LOC400499: variants seen among roughly 807,000 people sequenced by gnomAD.
the LOC400499 span, among the ~76,000 whole-genome samples, chr16:11,478,837 G>A: frequency 6.6e-6 from 1 of 152,160 alleles, no homozygotes; most frequent in Non-Finnish European, 1.5e-5. Context: ...TGAATCATGG[G>A]GGCGGGTCCT....
At chr16:11,435,038 T>C in the LOC400499 span, among the ~76,000 whole-genome samples, 1 of 152,232 alleles carries the variant, frequency 6.6e-6, no homozygotes, top group Non-Finnish European at 1.5e-5. Context: ...GCTGCAATGC[T>C]GCAATCTTAC....
the LOC400499 span, among the ~76,000 whole-genome samples, chr16:11,384,510 G>A: frequency 8.5e-5 from 13 of 152,196 alleles, no homozygotes; most frequent in Non-Finnish European, 7.3e-5. Context: ...CATCAGAGGA[G>A]GAAGAGAAAG....
the LOC400499 span, among the ~76,000 whole-genome samples, chr16:11,375,208 C>T: frequency 1.2e-4 from 17 of 143,444 alleles, no homozygotes; most frequent in African/African-American, 4.4e-4. Context: ...TTTTATACTC[C>T]CCGTAAGAAT....
At chr16:11,505,704 C>A in the LOC400499 span, among the ~76,000 whole-genome samples, 1 of 151,878 alleles carries the variant, frequency 6.6e-6, no homozygotes, top group African/African-American at 2.4e-5. Flanking sequence ...CCACCTCAGC[C>A]TCCCAAAGTG....
the LOC400499 span, among the ~76,000 whole-genome samples, chr16:11,515,468 T>G: frequency 6.9e-6 from 1 of 144,914 alleles, no homozygotes; most frequent in Admixed American, 6.7e-5. Context: ...AGGAAATACA[T>G]ACATACGTAC....
At chr16:11,427,086 A>C in the LOC400499 span, among the ~76,000 whole-genome samples, 1 of 151,650 alleles carries the variant, frequency 6.6e-6, no homozygotes, top group African/African-American at 2.4e-5. Flanking sequence ...GGCCAGGCGC[A>C]GTGGCTCACA....
chr16:11,463,908 T>A, the LOC400499 span, among the ~76,000 whole-genome samples: 4 of 152,118 alleles, frequency 2.6e-5, no homozygotes, highest in African/African-American at 7.2e-5. Context: ...TATGTCCACA[T>A]GTGGACTGTG....
At chr16:11,504,890 T>A in the LOC400499 span, among the ~76,000 whole-genome samples, 3 of 151,790 alleles carry the variant, frequency 2.0e-5, no homozygotes, top group Non-Finnish European at 2.9e-5. Flanking sequence ...ACAACTGCAC[T>A]CCAGCCTGGG....
chr16:11,502,257 C>T, the LOC400499 span: 1 of 398,212 alleles, frequency 2.5e-6, no homozygotes, highest in Non-Finnish European at 4.4e-6. Context: ...CGTCCCCTGC[C>T]TGTAAGCACA....
At chr16:11,520,010 G>A in the LOC400499 span, among the ~76,000 whole-genome samples, 9 of 152,050 alleles carry the variant, frequency 5.9e-5, no homozygotes, top group Non-Finnish European at 1.3e-4. Context: ...GCCTATGTGA[G>A]TCCACTTATA....
the LOC400499 span, chr16:11,446,562 C>T: frequency 6.5e-7 from 1 of 1,536,098 alleles, no homozygotes; most frequent in Non-Finnish European, 8.7e-7. Context: ...TGTGCTGATT[C>T]CAAGTAACCA....
At chr16:11,488,917 G>C in the LOC400499 span, 4 of 398,568 alleles carry the variant, frequency 1.0e-5, no homozygotes, top group Admixed American at 4.4e-5. Flanking sequence ...AAAGGGCCAG[G>C]AGCTGGCGCT....
the LOC400499 span, among the ~76,000 whole-genome samples, chr16:11,519,610 T>C: frequency 6.6e-6 from 1 of 151,878 alleles, no homozygotes; most frequent in Non-Finnish European, 1.5e-5. Flanking sequence ...TTTTAAAGGA[T>C]GAAGTTCTGC....
At chr16:11,400,580 G>A in the LOC400499 span, among the ~76,000 whole-genome samples, 1 of 151,954 alleles carries the variant, frequency 6.6e-6, no homozygotes, top group African/African-American at 2.4e-5. Context: ...AGTTGGGATT[G>A]CAGGCACACA....
chr16:11,391,648 T>A, the LOC400499 span: 2 of 1,231,626 alleles, frequency 1.6e-6, no homozygotes, highest in Non-Finnish European at 2.0e-6. Flanking sequence ...GATTGAGCCC[T>A]CCCCCTCCCA....
At chr16:11,399,318 G>A in the LOC400499 span, 5 of 863,834 alleles carry the variant, frequency 5.8e-6, no homozygotes, top group Non-Finnish European at 7.0e-6. Context: ...CCATTTCACA[G>A]ATGAGAACAC....
At chr16:11,517,224 T>A in the LOC400499 span, among the ~76,000 whole-genome samples, 1 of 152,126 alleles carries the variant, frequency 6.6e-6, no homozygotes, top group Non-Finnish European at 1.5e-5. Flanking sequence ...CTAGAAACCA[T>A]CTACTCCCCT....
At chr16:11,385,147 T>C in the LOC400499 span, 2 of 1,230,848 alleles carry the variant, frequency 1.6e-6, no homozygotes, top group African/African-American at 1.6e-5. Flanking sequence ...CCAGGCGACC[T>C]GCCATGGGCA....
chr16:11,423,925 C>T, the LOC400499 span, among the ~76,000 whole-genome samples: 2 of 152,210 alleles, frequency 1.3e-5, no homozygotes, highest in South Asian at 4.1e-4. Context: ...GCCCCAGCAC[C>T]AGCCCCTGGC....
Sources: gnomAD v4.1 joint callset for allele counts (sites outside exome capture counted in the v4.1 genomes callset) on GRCh38, gnomAD v4.1.1 for gene constraint, MANE v1.5 for transcripts.